The following CACNA1B variants were observed in gnomAD, a reference collection of about 807,000 sequenced individuals.
The protein encoded by CACNA1B is voltage-dependent N-type calcium channel subunit alpha-1B.
CACNA1B carries 70 observed loss-of-function variants against 247.2 expected under a neutral mutation model. That is an observed-to-expected ratio of 0.28 (90% CI 0.23 to 0.35). The LOEUF (loss-of-function observed/expected upper bound fraction) is 0.35, where lower values mean the gene tolerates loss of function less well. Ranked by LOEUF, CACNA1B falls within the 10% of genes least tolerant of loss-of-function variation. The probability of loss-of-function intolerance (pLI) is 1.00; values close to 1 mark genes in which losing one functional copy is unlikely to be tolerated. For synonymous variants in CACNA1B, 1,231 were observed against 1,294.4 expected (o/e 0.95, Z 1.05); for missense variants, 2,367 against 3,197.4 (o/e 0.74, Z 6.26).
chr9:138,085,186 A>G (rs1325869722), intron 36 of CACNA1B, among the ~76,000 whole-genome samples: 1 of 150,906 alleles, frequency 6.6e-6, no homozygotes, highest in African/African-American at 2.5e-5. Context: ...TCATAAAAAA[A>G]GAACCAAGCA....
chr9:138,097,878 C>T (rs1961108060), intron 37 of CACNA1B, among the ~76,000 whole-genome samples: 1 of 152,174 alleles, frequency 6.6e-6, no homozygotes, highest in South Asian at 2.1e-4. Flanking sequence ...GGCCTGGGAG[C>T]CCGACTAGAC....
At position 138,027,418 on chromosome 9, in the gene CACNA1B, A is replaced by G. The variant is rs147113820; in HGVS notation, c.3286+2246A>G. 5.4e-3 allele frequency among the ~76,000 whole-genome samples: 816 copies of G among 152,308 alleles called. 9 individuals carry two copies. Among genetic ancestry groups the G allele is most frequent in the African/African-American group, 0.018 (731 of 41,566 alleles). ...CCCTTTTTTTCCGAGATATATTATCAAAACTTCTGCAAATATACTTCTAAC... is the reference window on the plus strand; with the variant it reads ...CCCTTTTTTTCCGAGATATATTATCGAAACTTCTGCAAATATACTTCTAAC... On this transcript the variant is annotated intron_variant, in intron 20 of 46. Coordinates refer to ENST00000371372, the MANE Select transcript of CACNA1B (RefSeq NM_000718.4).
At chr9:138,119,483 T>C (rs1266760854) in intron 44 of CACNA1B, among the ~76,000 whole-genome samples, 1 of 152,128 alleles carries the variant, frequency 6.6e-6, no homozygotes, top group East Asian at 1.9e-4. Context: ...GCCAGCCCTG[T>C]CCCTCGGCCG....
intron 3 of CACNA1B, among the ~76,000 whole-genome samples, chr9:137,912,757 C>G (rs972543681): frequency 2.6e-5 from 4 of 152,142 alleles, no homozygotes; most frequent in African/African-American, 9.7e-5. Flanking sequence ...CCATCCTGCT[C>G]CTGCTCTCAG....
Position 137,913,133 on chromosome 9 carries a change from C to T in CACNA1B, c.531-47C>T. 1 of 1,471,274 alleles carries T rather than the reference C, an allele frequency of 6.8e-7. No homozygotes were observed. The highest frequency in any genetic ancestry group is 2.3e-5 in the East Asian group (1 of 44,158). The allele number at this position is 1,471,274 out of a possible 1,614,324, so 91.1% of individuals were successfully genotyped here. A position where few individuals can be genotyped will look rare whatever the true frequency, so the allele number is the denominator to read the frequency against. On this transcript the variant is annotated intron_variant, in intron 3 of 46. Transcript: ENST00000371372. This position sits in a 1 kb window ranked among gnomAD's most constrained non-coding sequence, Gnocchi z 5.2. Reference sequence around the variant, plus strand: ...TGGGAGGAGTGTGTCCTCTTCCAGGCTCAATGTGGAAACCTTTACTTCCCT... The same window carrying T: ...TGGGAGGAGTGTGTCCTCTTCCAGGTTCAATGTGGAAACCTTTACTTCCCT...
chr9:138,005,626 A>G (rs1958637553), intron 15 of CACNA1B, among the ~76,000 whole-genome samples: 1 of 152,380 alleles, frequency 6.6e-6, no homozygotes, highest in Non-Finnish European at 1.5e-5. Context: ...TGTTCCCAAC[A>G]CAATGCTAAA....
rs538662503 is a variant in CACNA1B at position 137,919,857 on chromosome 9, C to T, written c.966+2426C>T. ...CAGCGGGTGGGGCAGCGTGGGGGCA[C>T]TCCAGCTTGAGGAGAAATGGCTTTG... is the stretch of plus-strand genomic sequence containing the variant. On this transcript the variant is annotated intron_variant, in intron 6 of 46. Transcript: ENST00000371372. This position sits in a 1 kb window ranked among gnomAD's most constrained non-coding sequence, Gnocchi z 4.6. Among the ~76,000 whole-genome samples the T allele has an allele frequency of 6.6e-6, 1 of 152,260 alleles. No homozygotes were observed. Among genetic ancestry groups the T allele is most frequent in the South Asian group, 2.1e-4 (1 of 4,830 alleles).
intron 36 of CACNA1B, among the ~76,000 whole-genome samples, chr9:138,088,909 A>C (rs2131333206): frequency 7.3e-6 from 1 of 137,602 alleles, no homozygotes; most frequent in Admixed American, 7.8e-5. Context: ...TAGTGACCGG[A>C]GATCGCGCCA....
At position 138,059,779 on chromosome 9, in the gene CACNA1B, T is replaced by C; in HGVS notation, c.4668+42T>C. ...TCCCTCCTTCAGGGTCCCCAGGTGG[T>C]TTCCTTCTAGAGCCTGCTCCCCTCA... On this transcript the variant is annotated intron_variant, in intron 31 of 46. Coordinates refer to ENST00000371372, the MANE Select transcript of CACNA1B (RefSeq NM_000718.4). This position sits in a 1 kb window ranked among gnomAD's most constrained non-coding sequence, Gnocchi z 4.2. 8.3e-7 allele frequency: 1 copy of C among 1,199,614 alleles called. No individual in the cohort carries two copies. Among genetic ancestry groups the C allele is most frequent in the Non-Finnish European group, 1.2e-6 (1 of 803,000 alleles). The allele number at this position is 1,199,614 out of a possible 1,614,324, so 74.3% of individuals were successfully genotyped here.
chr9:137,878,955 G>T, intron 1 of CACNA1B, 99 bp from the exon 2 acceptor site: 2 of 718,256 alleles, frequency 2.8e-6, no homozygotes, highest in South Asian at 3.4e-5. Context: ...CAGCCCCTCC[G>T]GAGACGGCCT....
chr9:138,000,639 A>T (rs1371754995), intron 15 of CACNA1B, among the ~76,000 whole-genome samples: 1 of 152,194 alleles, frequency 6.6e-6, no homozygotes, highest in Non-Finnish European at 1.5e-5. Context: ...TCATTTCATG[A>T]GGCTAGTACA....
Position 137,974,510 on chromosome 9 carries a change from G to A in CACNA1B, c.1544-1397G>A, listed in dbSNP as rs1958195371. ...CCCTGAGACTCCTGTCTGTTTGTAC[G>A]GTGCCTGAGTGGTCTGTGAAGTTGT... On this transcript the variant is annotated intron_variant, in intron 11 of 46. Transcript: ENST00000371372. This position sits in a 1 kb window ranked among gnomAD's most constrained non-coding sequence, Gnocchi z 4.5. 1.3e-5 allele frequency among the ~76,000 whole-genome samples: 2 copies of A among 152,138 alleles called. No homozygotes were observed. Among genetic ancestry groups the A allele is most frequent in the Non-Finnish European group, 2.9e-5 (2 of 68,016 alleles).
chr9:137,909,337 A>G (rs1320239079), intron 3 of CACNA1B, among the ~76,000 whole-genome samples: 3 of 152,138 alleles, frequency 2.0e-5, no homozygotes, highest in Non-Finnish European at 4.4e-5. Flanking sequence ...CTTAGTGCCT[A>G]TTAAGCAAGA....
intron 36 of CACNA1B, among the ~76,000 whole-genome samples, chr9:138,088,676 C>T (rs1008829265): frequency 2.0e-5 from 3 of 151,874 alleles, no homozygotes; most frequent in Non-Finnish European, 4.4e-5. Flanking sequence ...TCCCATCGGC[C>T]GGGCATGGTG....
chr9:137,975,017 G>A (rs141390929), intron 11 of CACNA1B, among the ~76,000 whole-genome samples: 131 of 152,306 alleles, frequency 8.6e-4, no homozygotes, highest in Non-Finnish European at 1.7e-3. Context: ...CAGCGGCTGG[G>A]CCTCGCTGGG....
At chr9:138,078,081 C>T (rs571790533) in intron 35 of CACNA1B, 33 bp from the exon 36 acceptor site, 2 of 1,608,722 alleles carry the variant, frequency 1.2e-6, no homozygotes, top group South Asian at 1.1e-5. Context: ...TCAAGGGCCT[C>T]TGTGGGCCTC....
chr9:138,114,329 G>T, intron 40 of CACNA1B, 49 bp from the exon 41 acceptor site: 1 of 930,634 alleles, frequency 1.1e-6, no homozygotes, highest in Non-Finnish European at 1.7e-6. Context: ...TTGTTTCCGT[G>T]GATCCTCTGC....
chr9:138,099,341 G>T (rs905689137), intron 37 of CACNA1B, among the ~76,000 whole-genome samples: 4 of 152,250 alleles, frequency 2.6e-5, no homozygotes, highest in African/African-American at 9.6e-5. Flanking sequence ...GTATATATGT[G>T]TGCCTGTGTG....
chr9:138,028,727 A>G (rs913851879), intron 20 of CACNA1B, among the ~76,000 whole-genome samples: 1 of 152,192 alleles, frequency 6.6e-6, no homozygotes, highest in Non-Finnish European at 1.5e-5. Context: ...GTGCTTAATC[A>G]AGTCCCTTTA....
Sources: gnomAD v4.1 joint callset for allele counts (sites outside exome capture counted in the v4.1 genomes callset) on GRCh38, gnomAD v4.1.1 for gene constraint, Gnocchi (gnomAD v3.1) non-coding constraint, MANE v1.5 for transcripts, NCBI Gene and HGNC (gene_info 2026-07-23, HGNC 2026-07-21) for gene names.